CLEC19A: variants seen among roughly 807,000 people sequenced by gnomAD.
The protein encoded by CLEC19A is C-type lectin domain containing 19A.
CLEC19A carries 21 observed loss-of-function variants against 26.1 expected under a neutral mutation model. The observed-to-expected ratio is 0.80, with a 90% confidence interval of 0.57 to 1.16. CLEC19A has a LOEUF of 1.16. Among genes scored for constraint, CLEC19A ranks in the 50% most tolerant of loss-of-function variants. The pLI is 0.00. For missense variants in CLEC19A, 224 were observed against 227.6 expected, an observed-to-expected ratio of 0.98 and a Z score of 0.10; for synonymous variants, 89 against 88.6, an observed-to-expected ratio of 1.00 and a Z score of -0.03.
rs1898026087 is a variant in CLEC19A, at chr16:19,309,487, G to A, written c.*404G>A. On this transcript the variant is annotated 3_prime_UTR_variant, in exon 5 of 5. Coordinates refer to ENST00000636231, the MANE Select transcript of CLEC19A (RefSeq NM_001256720.2). ...GGAAGTCACATTATCAGAGGCGCTG[G>A]GAGTGGGGGAAAATGCGGGGGGGTG... 1 of 150,494 alleles carries A rather than the reference G, an allele frequency of 6.6e-6. No individual in the cohort carries two copies. Among genetic ancestry groups the A allele is most frequent in the African/African-American group, 2.5e-5 (1 of 40,332 alleles). 9.3% of individuals were successfully genotyped at this position (150,494 alleles called of 1,614,324 possible). A position where few individuals can be genotyped will look rare whatever the true frequency, so the allele number is the denominator to read the frequency against.
At chr16:19,306,144 A>ATTTT (rs148679009) in intron 3 of CLEC19A, among the ~76,000 whole-genome samples, 1 of 124,434 alleles carries the variant, frequency 8.0e-6, no homozygotes, top group Non-Finnish European at 1.8e-5. Flanking sequence ...CGCCCGGCCT[A>ATTTT]TTTTTTTTTT....
intron 1 of CLEC19A, among the ~76,000 whole-genome samples, chr16:19,294,828 G>A (rs1897671766): frequency 6.6e-6 from 1 of 152,182 alleles, no homozygotes; most frequent in African/African-American, 2.4e-5. Flanking sequence ...ATAGGAACAG[G>A]CTAAGAAATG....
In CLEC19A at chr16:19,310,713, T is replaced by A. The variant is rs937377238; in HGVS notation, c.*1630T>A. The A allele has an allele frequency of 6.6e-6, 1 of 152,174 alleles. No homozygotes were observed. Among genetic ancestry groups the A allele is most frequent in the Non-Finnish European group, 1.5e-5 (1 of 68,038 alleles). 9.4% of individuals were successfully genotyped at this position (152,174 alleles called of 1,614,324 possible). A position where few individuals can be genotyped will look rare whatever the true frequency, so the allele number is the denominator to read the frequency against. On this transcript the variant is annotated 3_prime_UTR_variant, in exon 5 of 5. Coordinates refer to ENST00000636231, the MANE Select transcript of CLEC19A (RefSeq NM_001256720.2). ...ACCACATGTTGTATGATTCCATATA[T>A]ATGAAATATCCAGAATAGGCAAGTC...
chr16:19,303,909 A>G, intron 2 of CLEC19A, 153 bp from the exon 3 acceptor site: 2 of 613,156 alleles, frequency 3.3e-6, no homozygotes, highest in Non-Finnish European at 5.7e-6. Context: ...CCGGCCACAT[A>G]TGGGTGACTT....
chr16:19,306,907 G>A (rs1161983149), intron 3 of CLEC19A, among the ~76,000 whole-genome samples: 2 of 152,138 alleles, frequency 1.3e-5, no homozygotes, highest in African/African-American at 2.4e-5. Context: ...TGCTTTGGGG[G>A]TACTTTTCTT....
intron 4 of CLEC19A, among the ~76,000 whole-genome samples, chr16:19,307,980 G>C (rs971890200): frequency 6.6e-6 from 1 of 152,176 alleles, no homozygotes; most frequent in African/African-American, 2.4e-5. Flanking sequence ...TAGTCAAGGG[G>C]TGATGCTTCC....
At chr16:19,304,252 T>C in intron 3 of CLEC19A, 97 bp downstream of exon 3, 1 of 959,820 alleles carries the variant, frequency 1.0e-6, no homozygotes, top group South Asian at 1.4e-5. Flanking sequence ...GTCACGGCTA[T>C]GCACACAGCA....
At chr16:19,288,550 C>G (rs539441844) in intron 1 of CLEC19A, among the ~76,000 whole-genome samples, 1 of 152,010 alleles carries the variant, frequency 6.6e-6, no homozygotes, top group East Asian at 1.9e-4. Context: ...CTCAGCCACC[C>G]CCTATGTTTT....
intron 2 of CLEC19A, among the ~76,000 whole-genome samples, chr16:19,301,736 GTTTTTTTTTT>G (rs1171248968): frequency 1.1e-3 from 90 of 81,492 alleles, no homozygotes; most frequent in East Asian, 1.0e-2. Flanking sequence ...GGTTTTTTTG[GTTTTTTTTTT>G]TTTTTTTTTT....
chr16:19,299,694 C>A (rs1897777170), intron 2 of CLEC19A, among the ~76,000 whole-genome samples: 1 of 152,156 alleles, frequency 6.6e-6, no homozygotes, highest in East Asian at 1.9e-4. Context: ...ACTTCTGACC[C>A]CCTAATTACA....
intron 2 of CLEC19A, among the ~76,000 whole-genome samples, chr16:19,300,544 T>C (rs1299415176): frequency 9.7e-6 from 1 of 103,084 alleles, no homozygotes; most frequent in African/African-American, 4.8e-5. Flanking sequence ...CGAGATCCTA[T>C]CTCAAAAAAA....
intron 1 of CLEC19A, among the ~76,000 whole-genome samples, chr16:19,291,584 T>A (rs547983456): frequency 1.5e-4 from 23 of 152,338 alleles, no homozygotes; most frequent in African/African-American, 4.3e-4. Context: ...GAGTTGGCGC[T>A]GATTGTTGTG....
intron 1 of CLEC19A, among the ~76,000 whole-genome samples, chr16:19,288,159 G>A (rs1176440470): frequency 1.3e-5 from 2 of 152,218 alleles, no homozygotes; most frequent in Non-Finnish European, 2.9e-5. Context: ...CACTGTCCAA[G>A]TGGCAGTTCA....
intron 2 of CLEC19A, among the ~76,000 whole-genome samples, chr16:19,303,080 C>T (rs1897869367): frequency 6.6e-6 from 1 of 152,184 alleles, no homozygotes; most frequent in Non-Finnish European, 1.5e-5. Context: ...TTAGGAATGG[C>T]TATGGGATAG....
intron 1 of CLEC19A, among the ~76,000 whole-genome samples, chr16:19,297,411 C>T (rs1262012058): frequency 6.6e-6 from 1 of 152,162 alleles, no homozygotes; most frequent in Non-Finnish European, 1.5e-5. Flanking sequence ...CACTCTCAGA[C>T]GTTACCATGG....
At chr16:19,290,230 C>G (rs1567251517) in intron 1 of CLEC19A, among the ~76,000 whole-genome samples, 1 of 152,062 alleles carries the variant, frequency 6.6e-6, no homozygotes, top group South Asian at 2.1e-4. Flanking sequence ...AGCTGGGAGA[C>G]CTTGGGGGCC....
intron 1 of CLEC19A, among the ~76,000 whole-genome samples, chr16:19,291,514 G>A (rs888412069): frequency 3.9e-5 from 6 of 152,182 alleles, no homozygotes; most frequent in African/African-American, 1.4e-4. Context: ...TGAAGATTGA[G>A]TGTATTTTTC....
chr16:19,299,984 G>A (rs916688862), intron 2 of CLEC19A, among the ~76,000 whole-genome samples: 1 of 152,184 alleles, frequency 6.6e-6, no homozygotes, highest in Non-Finnish European at 1.5e-5. Context: ...AACACTTTGG[G>A]AGGCCGAGGC....
At chr16:19,295,454 C>T (rs1897687110) in intron 1 of CLEC19A, among the ~76,000 whole-genome samples, 1 of 152,140 alleles carries the variant, frequency 6.6e-6, no homozygotes, top group South Asian at 2.1e-4. Flanking sequence ...CCACCCACCT[C>T]AGCCTCCCAA....
Sources: allele counts gnomAD v4.1 joint callset (sites outside exome capture counted in the v4.1 genomes callset), GRCh38; gene constraint gnomAD v4.1.1; transcripts MANE v1.5; gene names NCBI Gene and HGNC (gene_info 2026-07-23, HGNC 2026-07-21).